PTPRB: variants seen among roughly 807,000 people sequenced by gnomAD.
The protein encoded by PTPRB is receptor-type tyrosine-protein phosphatase beta.
Under a neutral mutation model 238.1 loss-of-function variants are expected in PTPRB, and 97 were observed. The ratio of observed to expected loss-of-function variants is 0.41; its 90% CI spans 0.35 to 0.48. The LOEUF is 0.48. Among genes scored for constraint, PTPRB ranks in the 20% least tolerant of loss-of-function variants. The pLI, the probability that PTPRB is intolerant of heterozygous loss-of-function variation, is 0.30. For missense variants in PTPRB, 2,292 were observed against 2,681.9 expected (o/e 0.85, Z 3.21); for synonymous variants, 970 against 995.4 (o/e 0.97, Z 0.48).
In PTPRB at chr12:70,576,566, G is replaced by A. The variant is rs201275683; in HGVS notation, c.2658C>T (p.Pro886=). ...TTACCTCATAGTTATCCACATCTCC[G>A]GGCGCCAGCAGCCAGGAAACGCTGA... The part of the protein sequence containing the change: ...DYLSVSWLLA[P]GDVDNYEVTL... The change falls in exon 11 of 34, where the codon CCC becomes CCT. Residue 886 remains proline (P), a synonymous_variant. Coordinates refer to ENST00000334414, the MANE Select transcript of PTPRB (RefSeq NM_001109754.4). The A allele has an allele frequency of 3.1e-4, 484 of 1,551,874 alleles. 3 individuals are homozygous for A. The East Asian group carries it at 0.011, about 35-fold the overall frequency.
At chr12:70,562,127 G>A (rs10879163) in intron 16 of PTPRB, among the ~76,000 whole-genome samples, 34,629 of 152,048 alleles carry the variant, frequency 0.23, 4,202 homozygotes, top group South Asian at 0.33. Flanking sequence ...AAATTAAAAA[G>A]TTAAAAGTTT....
chr12:70,533,347 G>A (rs1240438510), intron 31 of PTPRB, among the ~76,000 whole-genome samples: 1 of 152,200 alleles, frequency 6.6e-6, no homozygotes, highest in Non-Finnish European at 1.5e-5. Context: ...GTGCTGGGCT[G>A]ACAGGGAGGA....
chr12:70,635,829 T>C lies in PTPRB; in HGVS notation c.293A>G (p.Gln98Arg). The C allele has an allele frequency of 1.2e-6, 2 of 1,613,612 alleles. No individual in the cohort carries two copies. Among genetic ancestry groups the C allele is most frequent in the Non-Finnish European group, 1.7e-6 (2 of 1,179,756 alleles). Residue 98 changes from glutamine (Q) to arginine (R), a missense_variant, in exon 2 of 34, where the codon CAG becomes CGG. Physicochemically the swap from Gln to Arg is conservative, Grantham distance 43. Transcript: ENST00000334414. Reference protein sequence around the residue: ...SQAPRWTCYDQEGFLEVENAS... With the variant: ...SQAPRWTCYDREGFLEVENAS... Reference sequence around the variant, plus strand: ...ATTTTCCACCTCAAGGAAGCCTTCCTGATCATAGCAGGTCCATCGGGGTGC... The same window carrying C: ...ATTTTCCACCTCAAGGAAGCCTTCCCGATCATAGCAGGTCCATCGGGGTGC...
At chr12:70,624,526 A>C (rs1409502603) in intron 2 of PTPRB, among the ~76,000 whole-genome samples, 2 of 152,198 alleles carry the variant, frequency 1.3e-5, no homozygotes, top group African/African-American at 2.4e-5. Flanking sequence ...AGATTCCTTT[A>C]CAACAAACTC....
intron 10 of PTPRB, among the ~76,000 whole-genome samples, chr12:70,580,185 T>C (rs899190437): frequency 2.0e-5 from 3 of 152,186 alleles, no homozygotes; most frequent in Non-Finnish European, 4.4e-5. Context: ...ATAATGACAC[T>C]TATTTGTTTA....
chr12:70,636,082 C>T lies in PTPRB; in HGVS notation c.56-16G>A. 1 of 1,587,140 alleles carries T rather than the reference C, an allele frequency of 6.3e-7. No homozygotes were observed. Among genetic ancestry groups the T allele is most frequent in the Non-Finnish European group, 8.6e-7 (1 of 1,166,042 alleles). On this transcript the variant is annotated splice_polypyrimidine_tract_variant and intron_variant, in intron 1 of 33. Transcript: ENST00000334414. ...TGAAACCCTTCTGGAAGATGAAAAG[C>T]TCATAAAGCACTATGTAGCAAATTA...
chr12:70,528,862 T>C (rs1385257306), intron 32 of PTPRB, among the ~76,000 whole-genome samples: 3 of 151,932 alleles, frequency 2.0e-5, no homozygotes. Context: ...TAAATGAAAC[T>C]GGAAGGTGCA....
chr12:70,636,406 ATTAG>A (rs147926212), intron 1 of PTPRB, among the ~76,000 whole-genome samples: 1,862 of 152,150 alleles, frequency 0.012, 40 homozygotes, highest in African/African-American at 0.042. Context: ...TTTTAGCCCA[ATTAG>A]TTAGATATGC....
intron 4 of PTPRB, among the ~76,000 whole-genome samples, chr12:70,605,570 G>A (rs1055545827): frequency 2.0e-5 from 3 of 152,174 alleles, no homozygotes; most frequent in Admixed American, 6.5e-5. Context: ...AAATTCAAAT[G>A]TCTTTAGAAT....
Position 70,606,725 on chromosome 12 carries a change from T to C in PTPRB, c.979+2344A>G, listed in dbSNP as rs373039443. 2.9e-4 allele frequency among the ~76,000 whole-genome samples: 44 copies of C among 152,346 alleles called. No individual in the cohort carries two copies. The South Asian group carries it at 8.3e-3, about 29-fold the overall frequency. On this transcript the variant is annotated intron_variant, in intron 4 of 33. Transcript: ENST00000334414. Reference sequence around the variant, plus strand: ...ATTAACATAGGGGAATACTAGTACTTTGTATTAACTAAGTGAACAATTCAC... The same window carrying C: ...ATTAACATAGGGGAATACTAGTACTCTGTATTAACTAAGTGAACAATTCAC...
At chr12:70,588,267 G>A (rs1368813313) in intron 8 of PTPRB, among the ~76,000 whole-genome samples, 1 of 152,096 alleles carries the variant, frequency 6.6e-6, no homozygotes, top group Non-Finnish European at 1.5e-5. Context: ...CTTCGGTATA[G>A]AGAAATAATT....
chr12:70,571,588 T>A, intron 12 of PTPRB: 1 of 601,560 alleles, frequency 1.7e-6, no homozygotes, highest in Non-Finnish European at 2.8e-6. Context: ...TGCAGGAAGA[T>A]AGGGAAGAAA....
At chr12:70,606,801 C>A (rs985777251) in intron 4 of PTPRB, among the ~76,000 whole-genome samples, 5 of 152,142 alleles carry the variant, frequency 3.3e-5, no homozygotes, top group African/African-American at 1.2e-4. Flanking sequence ...TAACAACCGA[C>A]TAAAAAATTC....
chr12:70,539,546 A>G (rs767007552), intron 26 of PTPRB, 79 bp downstream of exon 26: 352 of 1,168,436 alleles, frequency 3.0e-4, no homozygotes, highest in Non-Finnish European at 4.3e-4. Flanking sequence ...CAATCAGCCT[A>G]TGATGACACA....
chr12:70,568,383 C>T (rs988003739), intron 14 of PTPRB, among the ~76,000 whole-genome samples: 14 of 152,014 alleles, frequency 9.2e-5, no homozygotes, highest in South Asian at 2.1e-4. Context: ...CTGCAAGCTC[C>T]GCCTCCTGGG....
chr12:70,579,695 C>CAAAAAAAA (rs35887706), intron 10 of PTPRB, among the ~76,000 whole-genome samples: 8 of 90,976 alleles, frequency 8.8e-5, no homozygotes, highest in Non-Finnish European at 1.8e-4. Flanking sequence ...GACTCCATCT[C>CAAAAAAAA]AAAAAAAAAA....
At chr12:70,539,216 CTCAG>C (rs762854129) in intron 26 of PTPRB, 88 of 591,440 alleles carry the variant, frequency 1.5e-4, no homozygotes, top group Non-Finnish European at 2.1e-4. Flanking sequence ...ACAGGTGAGG[CTCAG>C]TCAGGATAAC....
At chr12:70,522,088 T>C (rs948810311) in intron 33 of PTPRB, among the ~76,000 whole-genome samples, 13 of 152,198 alleles carry the variant, frequency 8.5e-5, no homozygotes, top group African/African-American at 2.9e-4. Context: ...CTCCTCTAAA[T>C]AGTAGCTCTT....
Position 70,587,228 on chromosome 12 carries a change from T to C in PTPRB, c.2090A>G (p.Asn697Ser), listed in dbSNP as rs1322256195. The change falls in exon 9 of 34, where the codon AAT (asparagine) becomes AGT (serine). Residue 697 changes from asparagine to serine, a missense_variant. This residue lies in a region of PTPRB where 1,205 missense variants were observed against 1,287.8 expected (regional missense o/e 0.94). Coordinates refer to ENST00000334414, the MANE Select transcript of PTPRB (RefSeq NM_001109754.4). Reference sequence around the variant, plus strand: ...CCACATGATACTCAGTGAGGTTTCATTGGCATGTTTGACACGAAGCTGGAG... The same window carrying C: ...CCACATGATACTCAGTGAGGTTTCACTGGCATGTTTGACACGAAGCTGGAG... ...AVLQLRVKHA[N>S]ETSLSIMWQT... 8.1e-6 allele frequency: 13 copies of C among 1,613,740 alleles called. No individual in the cohort carries two copies. Among genetic ancestry groups the C allele is most frequent in the South Asian group, 5.5e-5 (5 of 91,080 alleles).
Sources: allele counts gnomAD v4.1 joint callset (sites outside exome capture counted in the v4.1 genomes callset), GRCh38; gene constraint gnomAD v4.1.1; regional missense constraint gnomAD v4.1.1; transcripts MANE v1.5; gene names NCBI Gene and HGNC (gene_info 2026-07-23, HGNC 2026-07-21).